Variants in SEMA5A observed in about 807,000 individuals in gnomAD.
SEMA5A encodes semaphorin 5A, also known as semaphorin-5A.
Under a neutral mutation model 135.5 loss-of-function variants are expected in SEMA5A, and 55 were observed. The ratio of observed to expected loss-of-function variants is 0.41; its 90% CI spans 0.33 to 0.51. The LOEUF is 0.51. SEMA5A is among the 20% of genes least tolerant of loss of function. The probability of loss-of-function intolerance (pLI) is 0.37; values close to 1 mark genes in which losing one functional copy is unlikely to be tolerated. For synonymous variants in SEMA5A, 580 were observed against 546.5 expected (o/e 1.06, Z -0.85); for missense variants, 1,290 against 1,419.9 (o/e 0.91, Z 1.47).
chr5:9,280,881 T>C (rs990881296), intron 5 of SEMA5A: 2 of 348,320 alleles, frequency 5.7e-6, no homozygotes, highest in Non-Finnish European at 1.1e-5. Flanking sequence ...TGTATGTGTA[T>C]GTGTATCTGT....
Position 9,036,599 on chromosome 5 carries a change from G to T in SEMA5A, c.*6298C>A, listed in dbSNP as rs2150008357. ...TTAAAGTGATGTTAGTTTCTAGAAGGCTAATACTGAAGTCACCTCTCTTCT... is the reference window on the plus strand; with the variant it reads ...TTAAAGTGATGTTAGTTTCTAGAAGTCTAATACTGAAGTCACCTCTCTTCT... On this transcript the variant is annotated 3_prime_UTR_variant, in exon 23 of 23. Transcript: ENST00000382496. 6.6e-6 allele frequency: 1 copy of T among 152,410 alleles called. No homozygotes were observed. Among genetic ancestry groups the T allele is most frequent in the South Asian group, 2.1e-4 (1 of 4,814 alleles). 9.4% of individuals were successfully genotyped at this position (152,410 alleles called of 1,614,324 possible). A position where few individuals can be genotyped will look rare whatever the true frequency, so the allele number is the denominator to read the frequency against.
At chr5:9,307,973 G>A (rs1220676501) in intron 5 of SEMA5A, among the ~76,000 whole-genome samples, 1 of 152,168 alleles carries the variant, frequency 6.6e-6, no homozygotes, top group Non-Finnish European at 1.5e-5. Flanking sequence ...AATGGATAAA[G>A]AGAGTTATTA....
At chr5:9,462,725 A>G (rs1416764513) in intron 1 of SEMA5A, among the ~76,000 whole-genome samples, 1 of 152,226 alleles carries the variant, frequency 6.6e-6, no homozygotes. Context: ...CAACACAGGA[A>G]TAGAAAACCA....
intron 8 of SEMA5A, among the ~76,000 whole-genome samples, chr5:9,208,859 G>A (rs3846579): frequency 0.61 from 92,853 of 151,940 alleles, 28,639 homozygotes; most frequent in African/African-American, 0.68. Context: ...GGAGCCAAGT[G>A]CATCCTTGGT....
chr5:9,531,927 G>A (rs1205640322), intron 1 of SEMA5A, among the ~76,000 whole-genome samples: 2 of 152,166 alleles, frequency 1.3e-5, no homozygotes, highest in Non-Finnish European at 2.9e-5. Context: ...CCCTCTCTAA[G>A]AAGATAATAG....
At chr5:9,257,238 A>G (rs1749119440) in intron 5 of SEMA5A, among the ~76,000 whole-genome samples, 1 of 152,220 alleles carries the variant, frequency 6.6e-6, no homozygotes, top group South Asian at 2.1e-4. Flanking sequence ...GGTAATAAAC[A>G]CAGAGAAAAC....
intron 1 of SEMA5A, among the ~76,000 whole-genome samples, chr5:9,446,173 G>C (rs942475211): frequency 6.6e-6 from 1 of 152,146 alleles, no homozygotes; most frequent in African/African-American, 2.4e-5. Flanking sequence ...ATTATCCTTT[G>C]GTGAATATTT....
At chr5:9,413,395 T>C (rs1222627384) in intron 2 of SEMA5A, among the ~76,000 whole-genome samples, 1 of 152,094 alleles carries the variant, frequency 6.6e-6, no homozygotes, top group East Asian at 1.9e-4. Flanking sequence ...ATTTTGAAAG[T>C]TTAGGCAAAG....
At chr5:9,354,430 A>G (rs1754354496) in intron 3 of SEMA5A, among the ~76,000 whole-genome samples, 1 of 152,164 alleles carries the variant, frequency 6.6e-6, no homozygotes, top group Non-Finnish European at 1.5e-5. Flanking sequence ...TGTGCCAAAC[A>G]GCTTCAGAGA....
chr5:9,113,547 C>A (rs889957675), intron 15 of SEMA5A, among the ~76,000 whole-genome samples: 2 of 152,076 alleles, frequency 1.3e-5, no homozygotes, highest in Non-Finnish European at 2.9e-5. Context: ...ATATTTTAAA[C>A]AACATTTTGT....
At chr5:9,423,644 C>T (rs1357445566) in intron 2 of SEMA5A, among the ~76,000 whole-genome samples, 1 of 152,192 alleles carries the variant, frequency 6.6e-6, no homozygotes, top group Non-Finnish European at 1.5e-5. Flanking sequence ...AACTTCTAAG[C>T]CACTGATAAA....
intron 19 of SEMA5A, chr5:9,053,796 T>G: frequency 1.8e-5 from 5 of 273,304 alleles, no homozygotes; most frequent in East Asian, 1.3e-4. Flanking sequence ...ATTAGGGAGA[T>G]TGGGTGTTGT....
At chr5:9,302,715 C>G (rs1751670057) in intron 5 of SEMA5A, among the ~76,000 whole-genome samples, 1 of 152,182 alleles carries the variant, frequency 6.6e-6, no homozygotes. Flanking sequence ...GAACCACCTA[C>G]TGTCACATGC....
intron 16 of SEMA5A, among the ~76,000 whole-genome samples, chr5:9,084,589 A>G (rs1904455): frequency 0.54 from 81,770 of 152,084 alleles, 25,164 homozygotes; most frequent in Middle Eastern, 0.69. Flanking sequence ...CATGTGAGAT[A>G]TGCCTTTCAC....
In SEMA5A at chr5:9,200,528, G is replaced by T. The variant is rs1349606787; in HGVS notation, c.932+1427C>A. Among the ~76,000 whole-genome samples, 3 of 152,148 alleles carry T rather than the reference G, an allele frequency of 2.0e-5. No homozygotes were observed. In the East Asian group the frequency reaches 5.8e-4, roughly 29 times the overall value. ...GGAAAGAAAATCAACTTCAGAAACTGTAAATTGATTTTTTAAAGTAACTTA... is the reference window on the plus strand; with the variant it reads ...GGAAAGAAAATCAACTTCAGAAACTTTAAATTGATTTTTTAAAGTAACTTA... On this transcript the variant is annotated intron_variant, in intron 9 of 22. Transcript: ENST00000382496.
At chr5:9,220,600 G>A (rs943432254) in intron 8 of SEMA5A, among the ~76,000 whole-genome samples, 4 of 152,198 alleles carry the variant, frequency 2.6e-5, no homozygotes, top group African/African-American at 7.2e-5. Context: ...AAAGCGTGTG[G>A]AATGAGAAGA....
chr5:9,439,072 A>G (rs1264746677), intron 1 of SEMA5A, among the ~76,000 whole-genome samples: 2 of 152,136 alleles, frequency 1.3e-5, no homozygotes, highest in Non-Finnish European at 2.9e-5. Context: ...TGCCTGCCTG[A>G]GACGCCCCAG....
intron 1 of SEMA5A, among the ~76,000 whole-genome samples, chr5:9,457,263 C>G (rs921992386): frequency 2.0e-5 from 3 of 152,212 alleles, no homozygotes; most frequent in African/African-American, 7.2e-5. Context: ...CTCAAAAGCT[C>G]CTCAGAGGAG....
intron 1 of SEMA5A, among the ~76,000 whole-genome samples, chr5:9,442,892 G>A (rs532482052): frequency 3.3e-5 from 5 of 152,254 alleles, no homozygotes; most frequent in Admixed American, 6.5e-5. Flanking sequence ...ACTAAATGAC[G>A]AAAATCAGAA....
Sources: allele counts gnomAD v4.1 joint callset (sites outside exome capture counted in the v4.1 genomes callset), GRCh38; gene constraint gnomAD v4.1.1; transcripts MANE v1.5; gene names NCBI Gene and HGNC (gene_info 2026-07-23, HGNC 2026-07-21).